Variants in SNTG1 observed in about 807,000 individuals in gnomAD.
SNTG1 encodes the protein syntrophin gamma 1.
SNTG1 carries 39 observed loss-of-function variants against 74.7 expected under a neutral mutation model. The observed-to-expected ratio is 0.52, with a 90% CI of 0.40 to 0.68. The LOEUF (loss-of-function observed/expected upper bound fraction) is 0.68. SNTG1 is among the 30% of genes least tolerant of loss of function. The pLI, the probability that SNTG1 is intolerant of heterozygous loss-of-function variation, is 0.00. For synonymous variants in SNTG1, 254 were observed against 217.1 expected (o/e 1.17, Z -1.49); for missense variants, 685 against 609.5 (o/e 1.12, Z -1.30).
chr8:50,216,476 C>T (rs539616263), intron 2 of SNTG1, among the ~76,000 whole-genome samples: 1 of 152,148 alleles, frequency 6.6e-6, no homozygotes, highest in Admixed American at 6.6e-5. Context: ...AAGTAGACTC[C>T]ATAAATTTAT....
Position 50,250,572 on chromosome 8 carries a change from G to C in SNTG1, c.-28+77937G>C, listed in dbSNP as rs866608236. The stretch of plus-strand genomic sequence containing the variant: ...ATTCTAAAAGCTGCAAGAGATAAAT[G>C]TCAAGTTACATATAGGGGAATTTCC... On this transcript the variant is annotated intron_variant, in intron 2 of 18. Transcript: ENST00000642720. Among the ~76,000 whole-genome samples, 22 of 152,174 alleles carry C rather than the reference G, an allele frequency of 1.4e-4. No individual in the cohort carries two copies. In the Middle Eastern group the frequency reaches 0.01, roughly 71 times the overall value.
chr8:50,208,492 G>A (rs967033672), intron 2 of SNTG1, among the ~76,000 whole-genome samples: 2 of 152,128 alleles, frequency 1.3e-5, no homozygotes, highest in African/African-American at 2.4e-5. Flanking sequence ...ACAGCACACT[G>A]ACGGGTCTTG....
intron 2 of SNTG1, among the ~76,000 whole-genome samples, chr8:50,275,771 G>A (rs956292027): frequency 2.0e-5 from 3 of 152,102 alleles, no homozygotes; most frequent in African/African-American, 7.2e-5. Context: ...GGACTCCAGC[G>A]ACTACTGCTC....
intron 13 of SNTG1, among the ~76,000 whole-genome samples, chr8:50,606,490 T>C (rs2094813495): frequency 6.6e-6 from 1 of 152,054 alleles, no homozygotes; most frequent in Non-Finnish European, 1.5e-5. Context: ...ACTTCTAAGA[T>C]GTAGGAACAA....
rs2093575967 is a variant in SNTG1 at position 50,462,793 on chromosome 8, ACTCTTTTTTT to A, written c.363+12065_363+12074del. Among the ~76,000 whole-genome samples the A allele has an allele frequency of 4.7e-4, 9 of 18,984 alleles. 1 individual carries two copies. The highest frequency in any genetic ancestry group is 6.3e-3 in the East Asian group (2 of 320). The allele number at this position is 18,984 out of a possible 152,430, so 12.5% of individuals were successfully genotyped here. The stretch of plus-strand genomic sequence containing the variant: ...CAACTCAGTCGCATCTTCAGGTTCT[ACTCTTTTTTT>A]TTTTTTTTTTTTTTTTTTTTTTTTT... On this transcript the variant is annotated intron_variant, in intron 8 of 18. Transcript: ENST00000642720.
At chr8:50,641,273 C>T (rs375193215) in intron 13 of SNTG1, among the ~76,000 whole-genome samples, 66 of 152,298 alleles carry the variant, frequency 4.3e-4, no homozygotes, top group African/African-American at 1.5e-3. Flanking sequence ...GCCTCCAATA[C>T]CACTGTCCTC....
At chr8:50,029,673 T>C (rs1817581609) in intron 1 of SNTG1, among the ~76,000 whole-genome samples, 1 of 152,140 alleles carries the variant, frequency 6.6e-6, no homozygotes, top group South Asian at 2.1e-4. Context: ...GCAAATGACA[T>C]GATTCCATTC....
chr8:50,577,336 G>A (rs2094582395), intron 12 of SNTG1, among the ~76,000 whole-genome samples: 1 of 152,012 alleles, frequency 6.6e-6, no homozygotes, highest in Non-Finnish European at 1.5e-5. Flanking sequence ...CTTGATAATT[G>A]TATATAATCT....
intron 15 of SNTG1, among the ~76,000 whole-genome samples, chr8:50,659,501 A>G (rs1192527674): frequency 6.6e-6 from 1 of 152,208 alleles, no homozygotes; most frequent in African/African-American, 2.4e-5. Context: ...CATTTAAAAT[A>G]TAATAAAATG....
intron 17 of SNTG1, among the ~76,000 whole-genome samples, chr8:50,734,992 C>CAT (rs1489817367): frequency 5.6e-5 from 8 of 143,288 alleles, no homozygotes; most frequent in East Asian, 4.2e-4. Context: ...TATATATGTC[C>CAT]ATATATATAT....
intron 13 of SNTG1, among the ~76,000 whole-genome samples, chr8:50,597,996 G>A (rs2094743120): frequency 6.6e-6 from 1 of 150,992 alleles, no homozygotes; most frequent in South Asian, 2.1e-4. Flanking sequence ...TCACTTTGTT[G>A]GTTATTTCCT....
At chr8:50,374,613 C>T (rs988049188) in intron 2 of SNTG1, among the ~76,000 whole-genome samples, 1 of 152,180 alleles carries the variant, frequency 6.6e-6, no homozygotes, top group Admixed American at 6.5e-5. Context: ...GGTCTTTAAA[C>T]TTTGCTCCGC....
intron 12 of SNTG1, among the ~76,000 whole-genome samples, chr8:50,590,176 A>G (rs2094682691): frequency 6.6e-6 from 1 of 152,140 alleles, no homozygotes; most frequent in Admixed American, 6.5e-5. Context: ...GTAAGTGTAT[A>G]CCATAGAGAG....
intron 1 of SNTG1, among the ~76,000 whole-genome samples, chr8:49,998,006 G>A (rs778646167): frequency 1.3e-5 from 2 of 152,116 alleles, no homozygotes; most frequent in African/African-American, 4.8e-5. Context: ...AAATTGAGAT[G>A]GTAGAGCCTA....
intron 13 of SNTG1, among the ~76,000 whole-genome samples, chr8:50,640,987 A>G (rs562784340): frequency 6.6e-6 from 1 of 152,246 alleles, no homozygotes; most frequent in African/African-American, 2.4e-5. Context: ...ATAATCAAGT[A>G]TTATCATTCC....
intron 2 of SNTG1, among the ~76,000 whole-genome samples, chr8:50,179,717 AAT>A (rs1206468933): frequency 2.0e-5 from 3 of 152,200 alleles, no homozygotes; most frequent in Non-Finnish European, 4.4e-5. Flanking sequence ...TGCAAATCAA[AAT>A]CACAGTAAGA....
At chr8:50,470,162 T>TC (rs1327686477) in intron 8 of SNTG1, among the ~76,000 whole-genome samples, 4 of 152,096 alleles carry the variant, frequency 2.6e-5, no homozygotes, top group Non-Finnish European at 4.4e-5. Context: ...GAATATAAAT[T>TC]CCCCCATTAA....
intron 17 of SNTG1, among the ~76,000 whole-genome samples, chr8:50,736,028 A>T (rs2095527767): frequency 6.6e-6 from 1 of 152,086 alleles, no homozygotes; most frequent in Admixed American, 6.6e-5. Flanking sequence ...ACTAAGCTTC[A>T]TACCCAAAGG....
intron 1 of SNTG1, among the ~76,000 whole-genome samples, chr8:50,157,601 T>G (rs1030705831): frequency 6.6e-6 from 1 of 152,086 alleles, no homozygotes; most frequent in Non-Finnish European, 1.5e-5. Context: ...TTTAAGAAAA[T>G]TTTAAATTAT....
Sources: gnomAD v4.1 joint callset for allele counts (sites outside exome capture counted in the v4.1 genomes callset) on GRCh38, gnomAD v4.1.1 for gene constraint, MANE v1.5 for transcripts, NCBI Gene and HGNC (gene_info 2026-07-23, HGNC 2026-07-21) for gene names.